Variants in TAB2 observed in about 807,000 individuals in gnomAD.
TAB2 encodes TGF-beta activated kinase 1 (MAP3K7) binding protein 2.
A neutral mutation model predicts 65.0 loss-of-function variants in TAB2; 3 were observed. The observed-to-expected ratio is 0.05, with a 90% CI of 0.02 to 0.12. The LOEUF (loss-of-function observed/expected upper bound fraction) is 0.12. Ranked by LOEUF, TAB2 falls within the 10% of genes least tolerant of loss-of-function variation. The pLI is 1.00. For missense variants in TAB2, 623 were observed against 840.3 expected (o/e 0.74, Z 3.20); for synonymous variants, 298 against 285.1 (o/e 1.05, Z -0.46).
At chr6:149,355,019 A>G (rs1231714132) in intron 1 of TAB2, among the ~76,000 whole-genome samples, 1 of 152,216 alleles carries the variant, frequency 6.6e-6, no homozygotes, top group Non-Finnish European at 1.5e-5. Context: ...ATTGACATCT[A>G]TAGAGACTGC....
At chr6:149,305,738 G>T (rs1779056395) in intron 1 of TAB2, among the ~76,000 whole-genome samples, 1 of 152,126 alleles carries the variant, frequency 6.6e-6, no homozygotes, top group Non-Finnish European at 1.5e-5. Context: ...GCTGAAACTG[G>T]AGTCTACAAA....
At position 149,365,049 on chromosome 6, in the gene TAB2, T is replaced by C. The variant is rs185831338; in HGVS notation, c.-89-4860T>C. Among the ~76,000 whole-genome samples, 257 of 152,284 alleles carry C rather than the reference T, an allele frequency of 1.7e-3. 1 individual carries two copies. The highest frequency in any genetic ancestry group is 3.4e-3 in the Middle Eastern group (1 of 294). On this transcript the variant is annotated intron_variant, in intron 1 of 6. Coordinates refer to ENST00000637181, the MANE Select transcript of TAB2 (RefSeq NM_001292034.3). ...TTTTGTAGTGCTGTATATACTCTGC[T>C]ACTATTTAGAAGGAATTAACCCTCC...
At chr6:149,386,217 C>T (rs143704915) in intron 3 of TAB2, among the ~76,000 whole-genome samples, 102 of 152,242 alleles carry the variant, frequency 6.7e-4, no homozygotes, top group African/African-American at 2.4e-3. Flanking sequence ...GAACAGTACA[C>T]TTTCTTAAAT....
At chr6:149,288,453 A>G (rs953905115) in intron 1 of TAB2, among the ~76,000 whole-genome samples, 48 of 152,108 alleles carry the variant, frequency 3.2e-4, no homozygotes, top group Non-Finnish European at 1.0e-4. Context: ...GGTCCTGCCC[A>G]TCTCCCAGCC....
chr6:149,333,872 C>A (rs543841199), intron 1 of TAB2, among the ~76,000 whole-genome samples: 3 of 152,002 alleles, frequency 2.0e-5, no homozygotes, highest in African/African-American at 4.8e-5. Flanking sequence ...AAGTGCTTTG[C>A]ATTAAGCATC....
At chr6:149,248,471 A>AGAAGGAAGGAAG (rs1562387137) in intron 1 of TAB2, among the ~76,000 whole-genome samples, 5 of 114,476 alleles carry the variant, frequency 4.4e-5, no homozygotes, top group African/African-American at 1.7e-4. Context: ...AAGGAAGGAA[A>AGAAGGAAGGAAG]GAAAGAAAGA....
intron 1 of TAB2, among the ~76,000 whole-genome samples, chr6:149,294,014 G>T (rs1778829695): frequency 6.6e-6 from 1 of 151,878 alleles, no homozygotes; most frequent in African/African-American, 2.4e-5. Flanking sequence ...TAAGTGAAGA[G>T]CTAAAAAAAA....
At chr6:149,360,172 A>C (rs577518783) in intron 1 of TAB2, among the ~76,000 whole-genome samples, 1 of 152,244 alleles carries the variant, frequency 6.6e-6, no homozygotes, top group Non-Finnish European at 1.5e-5. Context: ...TTTTTACATC[A>C]GAAAATGATA....
At chr6:149,307,936 A>C (rs1351689065) in intron 1 of TAB2, among the ~76,000 whole-genome samples, 1 of 152,210 alleles carries the variant, frequency 6.6e-6, no homozygotes, top group African/African-American at 2.4e-5. Context: ...CCACATTCAG[A>C]CAAACACCCA....
chr6:149,248,458 A>C (rs1335958807), intron 1 of TAB2, among the ~76,000 whole-genome samples: 1 of 148,072 alleles, frequency 6.8e-6, no homozygotes, highest in Non-Finnish European at 1.5e-5. Flanking sequence ...GAAGAAAAGA[A>C]GGAAGGAAGG....
chr6:149,279,406 C>T (rs1778533246), intron 1 of TAB2, among the ~76,000 whole-genome samples: 1 of 152,150 alleles, frequency 6.6e-6, no homozygotes, highest in African/African-American at 2.4e-5. Flanking sequence ...TACGCTTACC[C>T]TGGGTAATTT....
intron 1 of TAB2, among the ~76,000 whole-genome samples, chr6:149,230,311 C>G (rs1777376903): frequency 6.6e-6 from 1 of 152,198 alleles, no homozygotes; most frequent in South Asian, 2.1e-4. Flanking sequence ...CAGTGATAGT[C>G]CCTTCATCAG....
intron 1 of TAB2, among the ~76,000 whole-genome samples, chr6:149,348,975 T>G (rs1780397465): frequency 6.9e-6 from 1 of 145,306 alleles, no homozygotes; most frequent in African/African-American, 2.5e-5. Context: ...CTCAAAAAAT[T>G]TAAAAAAAAA....
intron 1 of TAB2, among the ~76,000 whole-genome samples, chr6:149,251,990 AT>A (rs34877322): frequency 0.21 from 31,193 of 152,058 alleles, 3,287 homozygotes; most frequent in East Asian, 0.27. Flanking sequence ...AAACAAAAAA[AT>A]ATATAAGGAA....
intron 1 of TAB2, among the ~76,000 whole-genome samples, chr6:149,225,092 A>G (rs1008632417): frequency 2.0e-5 from 3 of 152,244 alleles, no homozygotes; most frequent in Non-Finnish European, 4.4e-5. Flanking sequence ...GCAATTTGCT[A>G]CAGACATTAC....
intron 1 of TAB2, among the ~76,000 whole-genome samples, chr6:149,360,869 A>G (rs1339279639): frequency 6.6e-6 from 1 of 152,220 alleles, no homozygotes. Context: ...GAAATTGGCC[A>G]AAAGAAAGGG....
chr6:149,324,038 A>G (rs1022319692), intron 1 of TAB2, among the ~76,000 whole-genome samples: 1 of 152,216 alleles, frequency 6.6e-6, no homozygotes, highest in African/African-American at 2.4e-5. Context: ...AACAAGTACA[A>G]GAGACAAGAG....
intron 1 of TAB2, among the ~76,000 whole-genome samples, chr6:149,326,918 C>T (rs1043671158): frequency 6.6e-6 from 1 of 152,128 alleles, no homozygotes; most frequent in African/African-American, 2.4e-5. Flanking sequence ...ATTTAGAAAA[C>T]CTAACATTTT....
chr6:149,343,087 T>C (rs1407320470), intron 1 of TAB2, among the ~76,000 whole-genome samples: 1 of 152,128 alleles, frequency 6.6e-6, no homozygotes, highest in African/African-American at 2.4e-5. Context: ...GAAATGCTAT[T>C]GAGTGAAGCC....
Sources: allele counts gnomAD v4.1 joint callset (sites outside exome capture counted in the v4.1 genomes callset), GRCh38; gene constraint gnomAD v4.1.1; transcripts MANE v1.5; gene names NCBI Gene and HGNC (gene_info 2026-07-23, HGNC 2026-07-21).